CFAP299: variants seen among roughly 807,000 people sequenced by gnomAD.
CFAP299 encodes cilia- and flagella-associated protein 299.
Under a neutral mutation model 27.0 loss-of-function variants are expected in CFAP299, and 21 were observed. That is an observed-to-expected ratio of 0.78 (90% CI 0.55 to 1.12). CFAP299 has a LOEUF of 1.12. Among genes scored for constraint, CFAP299 ranks in the 50% most tolerant of loss-of-function variants. The pLI is 0.00. For missense variants in CFAP299, 310 were observed against 276.6 expected, an observed-to-expected ratio of 1.12 and a Z score of -0.86; for synonymous variants, 104 against 98.1, an observed-to-expected ratio of 1.06 and a Z score of -0.36.
At chr4:80,387,026 G>C (rs1017294027) in intron 2 of CFAP299, 19 of 1,276,462 alleles carry the variant, frequency 1.5e-5, no homozygotes, top group Non-Finnish European at 1.7e-5. Flanking sequence ...GCTGCAGGTA[G>C]CGTTCACAAG....
chr4:80,800,237 A>T (rs375663800), intron 3 of CFAP299, among the ~76,000 whole-genome samples: 30 of 70,646 alleles, frequency 4.2e-4, no homozygotes, highest in African/African-American at 9.0e-4. Flanking sequence ...ATAATAAATA[A>T]TATAATATAT....
intron 3 of CFAP299, among the ~76,000 whole-genome samples, chr4:80,862,398 A>G (rs1223359008): frequency 1.3e-5 from 2 of 152,146 alleles, no homozygotes; most frequent in Admixed American, 1.3e-4. Context: ...ATAAATAAAT[A>G]AATAAAGCCA....
At chr4:80,927,686 T>C (rs972886753) in intron 4 of CFAP299, among the ~76,000 whole-genome samples, 8 of 152,150 alleles carry the variant, frequency 5.3e-5, no homozygotes, top group African/African-American at 1.9e-4. Flanking sequence ...CTGAGTCCCA[T>C]GGCCCCTGTA....
At chr4:80,762,821 A>G (rs1200562989) in intron 3 of CFAP299, among the ~76,000 whole-genome samples, 1 of 152,144 alleles carries the variant, frequency 6.6e-6, no homozygotes, top group Non-Finnish European at 1.5e-5. Context: ...CACAGGGGTA[A>G]AAAAGTCCTG....
chr4:80,644,183 G>GT (rs1739865884), intron 3 of CFAP299, among the ~76,000 whole-genome samples: 1 of 151,986 alleles, frequency 6.6e-6, no homozygotes, highest in Non-Finnish European at 1.5e-5. Context: ...GTGATCCCTG[G>GT]TTTTTTAAAA....
chr4:80,433,844 T>G (rs894152802), intron 2 of CFAP299, among the ~76,000 whole-genome samples: 1 of 152,188 alleles, frequency 6.6e-6, no homozygotes, highest in Non-Finnish European at 1.5e-5. Flanking sequence ...TTCTCTACAC[T>G]CACTGGGAAT....
In CFAP299 at chr4:80,370,912, C is replaced by A. The variant is rs72659814; in HGVS notation, c.242+8028C>A. ...CCACTAGGCAGCGCCCCAGTGGGGC[C>A]TCTGTGTGAGAGCTCTAACTCCACA... On this transcript the variant is annotated intron_variant, in intron 2 of 5. Transcript: ENST00000358105. Among the ~76,000 whole-genome samples the A allele has an allele frequency of 3.0e-3, 454 of 152,370 alleles. 2 individuals are homozygous for A. Among genetic ancestry groups the A allele is most frequent in the Non-Finnish European group, 4.8e-3 (326 of 68,034 alleles).
intron 3 of CFAP299, among the ~76,000 whole-genome samples, chr4:80,662,411 GAAAA>G (rs5859731): frequency 6.9e-6 from 1 of 143,952 alleles, no homozygotes. Context: ...AATTTCCCCC[GAAAA>G]AAAAAAAAAA....
chr4:80,641,464 A>G (rs762373232), intron 3 of CFAP299, among the ~76,000 whole-genome samples: 23 of 152,144 alleles, frequency 1.5e-4, no homozygotes, highest in Non-Finnish European at 3.1e-4. Flanking sequence ...CAGCCTCCCA[A>G]AGTGCTGGGA....
intron 4 of CFAP299, among the ~76,000 whole-genome samples, chr4:80,880,770 A>AATTAT (rs1450090397): frequency 6.6e-6 from 1 of 152,120 alleles, no homozygotes; most frequent in Non-Finnish European, 1.5e-5. Context: ...AATTAAATTA[A>AATTAT]AATTTTAAAA....
At chr4:80,488,718 C>T (rs534828549) in intron 2 of CFAP299, among the ~76,000 whole-genome samples, 8 of 152,234 alleles carry the variant, frequency 5.3e-5, no homozygotes, top group Admixed American at 1.3e-4. Flanking sequence ...CCTTGTGATC[C>T]GCCCACCTTG....
intron 2 of CFAP299, among the ~76,000 whole-genome samples, chr4:80,547,894 T>A (rs1442703411): frequency 6.6e-6 from 1 of 152,130 alleles, no homozygotes; most frequent in South Asian, 2.1e-4. Context: ...GGCAAGGTTG[T>A]GAAGAAAAGG....
Position 80,481,486 on chromosome 4 carries a change from T to C in CFAP299, c.243-101607T>C, listed in dbSNP as rs542468298. Among the ~76,000 whole-genome samples the C allele has an allele frequency of 2.1e-3, 318 of 152,220 alleles. 1 individual carries two copies. Among genetic ancestry groups the C allele is most frequent in the Non-Finnish European group, 3.6e-3 (245 of 67,950 alleles). ...TCTGTTGAAAGAGTAAATTCATCTA[T>C]TTTACTGGCTTTTTAAATCACATAT... is the stretch of plus-strand genomic sequence containing the variant. On this transcript the variant is annotated intron_variant, in intron 2 of 5. Transcript: ENST00000358105.
At chr4:80,864,023 G>A (rs537500635) in intron 3 of CFAP299, among the ~76,000 whole-genome samples, 67 of 152,108 alleles carry the variant, frequency 4.4e-4, no homozygotes, top group Middle Eastern at 3.4e-3. Context: ...GGTGGAGATA[G>A]GGATGGCTAC....
chr4:80,390,847 A>ATATATG (rs1243644281), intron 2 of CFAP299, among the ~76,000 whole-genome samples: 1 of 143,280 alleles, frequency 7.0e-6, no homozygotes, highest in Non-Finnish European at 1.5e-5. Flanking sequence ...GTATATACAC[A>ATATATG]TATATGTATA....
chr4:80,582,227 A>G (rs1375255976), intron 2 of CFAP299, among the ~76,000 whole-genome samples: 1 of 151,896 alleles, frequency 6.6e-6, no homozygotes, highest in Non-Finnish European at 1.5e-5. Context: ...TCATTGAATA[A>G]GATACTTCTT....
chr4:80,593,578 T>G (rs1046824437), intron 3 of CFAP299, among the ~76,000 whole-genome samples: 8 of 152,196 alleles, frequency 5.3e-5, no homozygotes, highest in African/African-American at 1.9e-4. Flanking sequence ...ATCCACACTC[T>G]CCAGATATTG....
intron 3 of CFAP299, among the ~76,000 whole-genome samples, chr4:80,687,778 G>A (rs542099623): frequency 9.7e-4 from 148 of 152,148 alleles, no homozygotes; most frequent in Non-Finnish European, 1.9e-3. Context: ...CTGAGGTACC[G>A]GGTTCATCTC....
the CFAP299 span, among the ~76,000 whole-genome samples, chr4:80,325,330 A>G: frequency 2.6e-5 from 4 of 152,222 alleles, no homozygotes; most frequent in African/African-American, 4.8e-5. Flanking sequence ...TTGTGTGTCA[A>G]ACACATCATT....
Sources: gnomAD v4.1 joint callset for allele counts (sites outside exome capture counted in the v4.1 genomes callset) on GRCh38, gnomAD v4.1.1 for gene constraint, MANE v1.5 for transcripts, NCBI Gene and HGNC (gene_info 2026-07-23, HGNC 2026-07-21) for gene names.